The following MYOZ3 variants were observed in gnomAD, a reference collection of about 807,000 sequenced individuals.
MYOZ3 encodes myozenin 3, also known as myozenin-3.
In MYOZ3, 19 loss-of-function variants were observed where a neutral mutation model predicts 26.5. The ratio of observed to expected loss-of-function variants is 0.72; its 90% CI spans 0.50 to 1.05. The LOEUF is 1.05. MYOZ3 is among the 50% of genes least tolerant of loss of function. MYOZ3 has a pLI of 0.00. For synonymous variants in MYOZ3, 135 were observed against 138.8 expected (o/e 0.97, Z 0.19); for missense variants, 322 against 337.1 (o/e 0.96, Z 0.35).
At chr5:150,673,900 G>A (rs1349072264) in intron 6 of MYOZ3, among the ~76,000 whole-genome samples, 2 of 152,188 alleles carry the variant, frequency 1.3e-5, no homozygotes, top group Non-Finnish European at 2.9e-5. Context: ...GGACGCCACG[G>A]TCCTGCTCTT....
At chr5:150,661,953 G>A (rs1453698649) in intron 1 of MYOZ3, among the ~76,000 whole-genome samples, 1 of 152,214 alleles carries the variant, frequency 6.6e-6, no homozygotes, top group Non-Finnish European at 1.5e-5. Context: ...TACTGTTACA[G>A]ATGGGGGAAC....
At chr5:150,676,475 C>G (rs993307497) in intron 6 of MYOZ3, among the ~76,000 whole-genome samples, 1 of 141,218 alleles carries the variant, frequency 7.1e-6, no homozygotes, top group African/African-American at 2.8e-5. Context: ...ATCTGGGAGG[C>G]GGAGGTTGCA....
rs1759053599 is a variant in MYOZ3, at chr5:150,678,555, C to T, written c.*1680C>T. On this transcript the variant is annotated 3_prime_UTR_variant, in exon 7 of 7. Transcript: ENST00000517768. Reference sequence around the variant, plus strand: ...CTCTGAAATCATCTGACTGTGATGCCCTGCCTTGGAGTTTAGAAGTTGAGT... The same window carrying T: ...CTCTGAAATCATCTGACTGTGATGCTCTGCCTTGGAGTTTAGAAGTTGAGT... The T allele has an allele frequency of 6.6e-6, 1 of 152,232 alleles. No individual in the cohort carries two copies. Among genetic ancestry groups the T allele is most frequent in the Admixed American group, 6.5e-5 (1 of 15,270 alleles). 9.4% of individuals were successfully genotyped at this position (152,232 alleles called of 1,614,324 possible). A position where few individuals can be genotyped will look rare whatever the true frequency, so the allele number is the denominator to read the frequency against.
At chr5:150,676,582 G>T in intron 6 of MYOZ3, 125 bp from the exon 7 acceptor site, 3 of 699,526 alleles carry the variant, frequency 4.3e-6, no homozygotes, top group Non-Finnish European at 7.1e-6. Flanking sequence ...GAATCTTGCT[G>T]TATAGAAGGG....
At chr5:150,674,784 C>T (rs1174323149) in intron 6 of MYOZ3, among the ~76,000 whole-genome samples, 1 of 152,134 alleles carries the variant, frequency 6.6e-6, no homozygotes, top group Non-Finnish European at 1.5e-5. Flanking sequence ...CCGAGGGAGG[C>T]GGATCACTTG....
chr5:150,672,424 A>T lies in MYOZ3; in HGVS notation c.509A>T (p.Glu170Val). 1 of 1,613,428 alleles carries T rather than the reference A, an allele frequency of 6.2e-7. No individual in the cohort carries two copies. Among genetic ancestry groups the T allele is most frequent in the Admixed American group, 1.7e-5 (1 of 59,962 alleles). The change falls in exon 6 of 7, where the codon GAG becomes GTG. Residue 170 changes from glutamate to valine, a missense_variant. Coordinates refer to ENST00000517768, the MANE Select transcript of MYOZ3 (RefSeq NM_001122853.3). ...ISKGYRCPWQ[E>V]FVSYRDYQSD... ...AAGGGCTACCGCTGCCCTTGGCAGG[A>T]GTTCGTCAGCTACCGGGACTACCAG...
chr5:150,670,605 G>T lies in MYOZ3; in HGVS notation c.183G>T (p.Lys61Asn), dbSNP rs778603838. Residue 61 changes from lysine to asparagine, a missense_variant, in exon 3 of 7, where the codon AAG (lysine) becomes AAT (asparagine). Physicochemically the swap from Lys to Asn is moderately conservative, Grantham distance 94. Coordinates refer to ENST00000517768, the MANE Select transcript of MYOZ3 (RefSeq NM_001122853.3). Reference protein sequence around the residue: ...LFQKRQRRVQKFTFELAASQR... With the variant: ...LFQKRQRRVQNFTFELAASQR... ...AGAAGAGGCAGCGCCGTGTGCAGAA[G>T]TTCACTTTCGAGTTAGCAGCCAGCC... 1 of 1,612,066 alleles carries T rather than the reference G, an allele frequency of 6.2e-7. No individual in the cohort carries two copies. Among genetic ancestry groups the T allele is most frequent in the African/African-American group, 1.3e-5 (1 of 74,874 alleles).
At position 150,672,363 on chromosome 5, in the gene MYOZ3, G is replaced by A. The variant is rs1443236307; in HGVS notation, c.448G>A (p.Val150Ile). 2.5e-6 allele frequency: 4 copies of A among 1,610,686 alleles called. No individual in the cohort carries two copies. Among genetic ancestry groups the A allele is most frequent in the Admixed American group, 1.7e-5 (1 of 59,492 alleles). The change falls in exon 6 of 7, where the codon GTC becomes ATC. Residue 150 changes from valine to isoleucine, a missense_variant. By Grantham distance (29) the Val-to-Ile change is conservative. Transcript: ENST00000517768. Reference protein sequence around the residue: ...APGYAEPLKGVPPEKFNHTAI... With the variant: ...APGYAEPLKGIPPEKFNHTAI... ...AGGCTATGCGGAGCCGCTGAAGGGCGTCCCGCCAGAGAAGTTCAACCACAC... is the reference window on the plus strand; with the variant it reads ...AGGCTATGCGGAGCCGCTGAAGGGCATCCCGCCAGAGAAGTTCAACCACAC...
chr5:150,670,407 T>C, intron 2 of MYOZ3, 77 bp from the exon 3 acceptor site: 1 of 1,429,178 alleles, frequency 7.0e-7, no homozygotes, highest in Non-Finnish European at 9.2e-7. Context: ...ACACACAGCA[T>C]GCCATGCTTC....
chr5:150,673,476 G>T (rs995823909), intron 6 of MYOZ3, among the ~76,000 whole-genome samples: 4 of 151,944 alleles, frequency 2.6e-5, no homozygotes, highest in African/African-American at 9.7e-5. Context: ...TAGTAGCTGG[G>T]ATTACAGGCG....
In MYOZ3 at chr5:150,678,881, G is replaced by A. The variant is rs886195050; in HGVS notation, c.*2006G>A. 2.0e-5 allele frequency: 3 copies of A among 152,364 alleles called. No homozygotes were observed. Among genetic ancestry groups the A allele is most frequent in the Admixed American group, 1.3e-4 (2 of 15,280 alleles). 9.4% of individuals were successfully genotyped at this position (152,364 alleles called of 1,614,324 possible). A position where few individuals can be genotyped will look rare whatever the true frequency, so the allele number is the denominator to read the frequency against. On this transcript the variant is annotated 3_prime_UTR_variant, in exon 7 of 7. Coordinates refer to ENST00000517768, the MANE Select transcript of MYOZ3 (RefSeq NM_001122853.3). ...GTCACTGGGGGTCACTAAAGCTGAAGCCTGAAGGAAAGCCTCTCATTGCTG... is the reference window on the plus strand; with the variant it reads ...GTCACTGGGGGTCACTAAAGCTGAAACCTGAAGGAAAGCCTCTCATTGCTG...
chr5:150,675,441 C>T (rs991911396), intron 6 of MYOZ3, among the ~76,000 whole-genome samples: 3 of 152,022 alleles, frequency 2.0e-5, no homozygotes, highest in Admixed American at 6.5e-5. Context: ...GACACAATCT[C>T]AGCTCACTGC....
rs562346591 is a variant in MYOZ3, at chr5:150,666,509, G to A, written c.61+3507G>A. Reference sequence around the variant, plus strand: ...CATGCCCATAGTCCCAGTTACTTGCGAGACTGAGGCAGGAGAATCACTAGA... The same window carrying A: ...CATGCCCATAGTCCCAGTTACTTGCAAGACTGAGGCAGGAGAATCACTAGA... On this transcript the variant is annotated intron_variant, in intron 2 of 6. Coordinates refer to ENST00000517768, the MANE Select transcript of MYOZ3 (RefSeq NM_001122853.3). 6.0e-5 allele frequency among the ~76,000 whole-genome samples: 9 copies of A among 150,824 alleles called. No individual in the cohort carries two copies. The East Asian group carries it at 1.8e-3, about 29-fold the overall frequency.
chr5:150,663,274 A>T (rs746713550), intron 2 of MYOZ3, among the ~76,000 whole-genome samples: 1 of 152,328 alleles, frequency 6.6e-6, no homozygotes, highest in Non-Finnish European at 1.5e-5. Flanking sequence ...CCCTGGCTTC[A>T]TCTAAGGCCT....
chr5:150,672,524 G>A lies in MYOZ3; in HGVS notation c.587+22G>A, dbSNP rs1330086832. The A allele has an allele frequency of 6.0e-6, 9 of 1,492,212 alleles. No homozygotes were observed. In the East Asian group the frequency reaches 1.9e-4, roughly 31 times the overall value. 92.4% of individuals were successfully genotyped at this position (1,492,212 alleles called of 1,614,324 possible). ...ACAAGTAAGGCGGGGCGGGCAGCCC[G>A]GGGGACAGACCGGGAGGGGCGGGAA... On this transcript the variant is annotated intron_variant, in intron 6 of 6. Coordinates refer to ENST00000517768, the MANE Select transcript of MYOZ3 (RefSeq NM_001122853.3).
At chr5:150,671,461 G>A (rs939251152) in intron 3 of MYOZ3, 136 bp from the exon 4 acceptor site, 37 of 857,812 alleles carry the variant, frequency 4.3e-5, no homozygotes, top group Non-Finnish European at 6.7e-5. Flanking sequence ...TTGTAAACTA[G>A]TAACTCATCC....
At chr5:150,665,007 A>G (rs1265382929) in intron 2 of MYOZ3, among the ~76,000 whole-genome samples, 1 of 147,558 alleles carries the variant, frequency 6.8e-6, no homozygotes, top group Admixed American at 6.7e-5. Context: ...ACTATATGCT[A>G]TGTTCTTTGG....
At chr5:150,668,977 A>G (rs919061332) in intron 2 of MYOZ3, 1 of 152,200 alleles carries the variant, frequency 6.6e-6, no homozygotes, top group Non-Finnish European at 1.5e-5. Context: ...AGATTCACAC[A>G]TCTATCTCCC....
intron 6 of MYOZ3, chr5:150,673,371 C>T (rs1340802708): frequency 6.6e-6 from 1 of 152,206 alleles, no homozygotes; most frequent in Non-Finnish European, 1.5e-5. Flanking sequence ...GACGGAGTCT[C>T]ACACTGTCAC....
Sources: gnomAD v4.1 joint callset for allele counts (sites outside exome capture counted in the v4.1 genomes callset) on GRCh38, gnomAD v4.1.1 for gene constraint, MANE v1.5 for transcripts, NCBI Gene and HGNC (gene_info 2026-07-23, HGNC 2026-07-21) for gene names.